Variants in FKBP1A observed in about 807,000 individuals in gnomAD.
FKBP1A encodes the protein peptidyl-prolyl cis-trans isomerase FKBP1A.
In FKBP1A, 5 loss-of-function variants were observed where a neutral mutation model predicts 14.2. That is an observed-to-expected ratio of 0.35 (90% CI 0.18 to 0.74). FKBP1A has a LOEUF of 0.74. FKBP1A is among the 30% of genes least tolerant of loss of function. The probability of loss-of-function intolerance (pLI) is 0.56; values close to 1 mark genes in which losing one functional copy is unlikely to be tolerated. For synonymous variants in FKBP1A, 42 were observed against 49.1 expected (o/e 0.86, Z 0.60); for missense variants, 53 against 138.8 (o/e 0.38, Z 3.10).
chr20:1,388,159 G>A (rs1438350136), intron 2 of FKBP1A, among the ~76,000 whole-genome samples: 1 of 152,212 alleles, frequency 6.6e-6, no homozygotes, highest in East Asian at 1.9e-4. Context: ...TGAGGATGAA[G>A]TACTCACACT....
intron 2 of FKBP1A, among the ~76,000 whole-genome samples, chr20:1,385,337 C>T (rs1037453123): frequency 6.6e-6 from 1 of 152,128 alleles, no homozygotes; most frequent in Non-Finnish European, 1.5e-5. Context: ...TTGCAGTGAG[C>T]CGAGATTGCA....
intron 3 of FKBP1A, chr20:1,375,218 T>A: frequency 1.7e-6 from 1 of 572,018 alleles, no homozygotes. Flanking sequence ...TGTAGTGGTA[T>A]TGCAAGTGTC....
chr20:1,377,675 G>GTTA (rs2089565328), intron 2 of FKBP1A: 1 of 152,260 alleles, frequency 6.6e-6, no homozygotes, highest in Non-Finnish European at 1.5e-5. Flanking sequence ...CAACCTCAGA[G>GTTA]GTAAGGGTGA....
chr20:1,371,242 A>C (rs1293224179), intron 4 of FKBP1A: 4 of 975,944 alleles, frequency 4.1e-6, no homozygotes, highest in Non-Finnish European at 3.7e-6. Context: ...CTTACATGAA[A>C]AGTTACGTGC....
chr20:1,375,786 C>T (rs2089533014), intron 2 of FKBP1A, among the ~76,000 whole-genome samples, 183 bp from the exon 3 acceptor site: 1 of 152,106 alleles, frequency 6.6e-6, no homozygotes, highest in South Asian at 2.1e-4. Flanking sequence ...CTACTCCAGA[C>T]CTGTGAATGC....
intron 2 of FKBP1A, chr20:1,391,835 G>A: frequency 5.7e-6 from 2 of 347,904 alleles, no homozygotes; most frequent in Non-Finnish European, 1.0e-5. Flanking sequence ...GAGGGGGAGG[G>A]AAGGTTATTC....
At chr20:1,374,998 G>A (rs993956973) in intron 3 of FKBP1A, among the ~76,000 whole-genome samples, 10 of 152,204 alleles carry the variant, frequency 6.6e-5, no homozygotes, top group East Asian at 3.9e-4. Flanking sequence ...CACCACGCCC[G>A]GCTAATTTTT....
intron 2 of FKBP1A, among the ~76,000 whole-genome samples, chr20:1,389,182 A>G (rs2089703949): frequency 6.6e-6 from 1 of 152,126 alleles, no homozygotes; most frequent in African/African-American, 2.4e-5. Context: ...TCTCCTCATC[A>G]TAAGCAAAGC....
intron 3 of FKBP1A, among the ~76,000 whole-genome samples, chr20:1,375,057 G>A (rs6131424): frequency 0.16 from 23,925 of 152,086 alleles, 3,121 homozygotes; most frequent in East Asian, 0.69. Flanking sequence ...GGCTGGTCTC[G>A]AACTCCGGAC....
At chr20:1,380,684 C>T (rs1276202398) in intron 2 of FKBP1A, among the ~76,000 whole-genome samples, 1 of 152,102 alleles carries the variant, frequency 6.6e-6, no homozygotes, top group Admixed American at 6.5e-5. Flanking sequence ...ATAAAAATAT[C>T]CAGCACCCCA....
At chr20:1,378,613 G>A (rs2089580340) in intron 2 of FKBP1A, 1 of 152,076 alleles carries the variant, frequency 6.6e-6, no homozygotes, top group South Asian at 2.1e-4. Flanking sequence ...ATAACAGGAG[G>A]CTATGCATGT....
In FKBP1A at chr20:1,371,248, C is replaced by T. The variant is rs991389229; in HGVS notation, c.*36+828G>A. 1.1e-5 allele frequency: 11 copies of T among 968,100 alleles called. No homozygotes were observed. The East Asian group carries it at 4.6e-4, about 40-fold the overall frequency. The allele number at this position is 968,100 out of a possible 1,614,324, so 60.0% of individuals were successfully genotyped here. A position where few individuals can be genotyped will look rare whatever the true frequency, so the allele number is the denominator to read the frequency against. ...ATTCTAACACTTACATGAAAAGTTA[C>T]GTGCTACTAGGATACTGAGTTTAGT... On this transcript the variant is annotated intron_variant, in intron 4 of 4. Transcript: ENST00000400137.
intron 2 of FKBP1A, chr20:1,377,187 TA>T (rs1236993990): frequency 1.3e-5 from 2 of 152,150 alleles, no homozygotes; most frequent in Non-Finnish European, 2.9e-5. Context: ...AATCCCAACC[TA>T]AAAAACAGTG....
chr20:1,374,953 C>T (rs1372906756), intron 3 of FKBP1A, among the ~76,000 whole-genome samples: 6 of 152,206 alleles, frequency 3.9e-5, no homozygotes, highest in African/African-American at 1.2e-4. Flanking sequence ...TCTCCTGCCT[C>T]GGCCTCCCAA....
At chr20:1,384,257 T>C (rs1009937136) in intron 2 of FKBP1A, among the ~76,000 whole-genome samples, 1 of 152,142 alleles carries the variant, frequency 6.6e-6, no homozygotes, top group Non-Finnish European at 1.5e-5. Context: ...ATCAATAAAA[T>C]GAGTGTGAAT....
At chr20:1,389,286 G>C (rs1367263507) in intron 2 of FKBP1A, among the ~76,000 whole-genome samples, 1 of 152,214 alleles carries the variant, frequency 6.6e-6, no homozygotes, top group African/African-American at 2.4e-5. Flanking sequence ...GCTGTGGGAA[G>C]GCAAAGGGAC....
At chr20:1,374,161 A>G (rs1432475457) in intron 3 of FKBP1A, among the ~76,000 whole-genome samples, 1 of 152,208 alleles carries the variant, frequency 6.6e-6, no homozygotes, top group Non-Finnish European at 1.5e-5. Flanking sequence ...GCCTAATTAT[A>G]AAGTTCCTTG....
chr20:1,391,801 GGA>G, intron 2 of FKBP1A: 1 of 393,690 alleles, frequency 2.5e-6, no homozygotes, highest in African/African-American at 2.1e-5. Flanking sequence ...GGAAAGGGTG[GGA>G]AGGTTGAGAA....
Position 1,386,489 on chromosome 20 carries a change from T to G in FKBP1A, c.85+6345A>C, listed in dbSNP as rs766811452. On this transcript the variant is annotated intron_variant, in intron 2 of 4. Coordinates refer to ENST00000400137, the MANE Select transcript of FKBP1A (RefSeq NM_000801.5). This position sits in a 1 kb window ranked among gnomAD's most constrained non-coding sequence, Gnocchi z 4.7. The stretch of plus-strand genomic sequence containing the variant: ...TGGCCTCCTGGAGCCTTCAGTCGGT[T>G]GGGGAAAGAGCAGATGTTTAACTAC... 1.6e-4 allele frequency among the ~76,000 whole-genome samples: 25 copies of G among 152,194 alleles called. No homozygotes were observed. The highest frequency in any genetic ancestry group is 3.1e-4 in the Non-Finnish European group (21 of 68,024).
Sources: allele counts gnomAD v4.1 joint callset (sites outside exome capture counted in the v4.1 genomes callset), GRCh38; gene constraint gnomAD v4.1.1; non-coding constraint Gnocchi (gnomAD v3.1); transcripts MANE v1.5; gene names NCBI Gene and HGNC (gene_info 2026-07-23, HGNC 2026-07-21).